Variants in HECW1 observed in about 807,000 individuals in gnomAD.
HECW1 encodes the protein E3 ubiquitin-protein ligase HECW1.
A neutral mutation model predicts 182.3 loss-of-function variants in HECW1; 61 were observed. The observed-to-expected ratio is 0.33, with a 90% CI of 0.27 to 0.41. The LOEUF (loss-of-function observed/expected upper bound fraction) is 0.41. HECW1 is among the 10% of genes least tolerant of loss of function. The pLI is 1.00. For synonymous variants in HECW1, 859 were observed against 832.6 expected (o/e 1.03, Z -0.55); for missense variants, 1,739 against 2,108.9 (o/e 0.82, Z 3.44).
Position 43,500,776 on chromosome 7 carries a change from T to G in HECW1, c.3515T>G (p.Leu1172Trp), listed in dbSNP as rs1237261316. The change falls in exon 20 of 30, where the codon TTG (leucine) becomes TGG (tryptophan). Residue 1172 changes from leucine to tryptophan, a missense_variant. Leu to Trp is a moderately conservative substitution (Grantham distance 61, BLOSUM62 -2). Around this residue, in one of 5 missense-constraint regions of HECW1, gnomAD observed 420 missense variants for 595.7 expected, o/e 0.71. Coordinates refer to ENST00000395891, the MANE Select transcript of HECW1 (RefSeq NM_015052.5). Reference protein sequence around the residue: ...KLSCDADLVILLSLFEEEIMS... With the variant: ...KLSCDADLVIWLSLFEEEIMS... ...TCCTGTGATGCGGATCTGGTCATTTTGCTGAGGTAGGGGGCTAGGCCTGAA... is the reference window on the plus strand; with the variant it reads ...TCCTGTGATGCGGATCTGGTCATTTGGCTGAGGTAGGGGGCTAGGCCTGAA... 6.2e-7 allele frequency: 1 copy of G among 1,613,390 alleles called. No individual in the cohort carries two copies.
intron 5 of HECW1, among the ~76,000 whole-genome samples, chr7:43,345,587 C>T (rs1464840101): frequency 6.6e-6 from 1 of 152,086 alleles, no homozygotes; most frequent in Non-Finnish European, 1.5e-5. Flanking sequence ...TCCCCTCTCA[C>T]TCTTCCCCAC....
At chr7:43,546,545 C>A (rs948519102) in intron 26 of HECW1, among the ~76,000 whole-genome samples, 1 of 151,006 alleles carries the variant, frequency 6.6e-6, no homozygotes, top group Admixed American at 6.6e-5. Flanking sequence ...TTTTGGGGGG[C>A]AGGTAGACCA....
At chr7:43,297,529 G>A (rs1308172539) in intron 3 of HECW1, among the ~76,000 whole-genome samples, 2 of 152,160 alleles carry the variant, frequency 1.3e-5, no homozygotes, top group Non-Finnish European at 2.9e-5. Flanking sequence ...CACTCAGAAG[G>A]TGCCATTCTC....
intron 3 of HECW1, among the ~76,000 whole-genome samples, chr7:43,291,404 G>A (rs1326695203): frequency 6.6e-6 from 1 of 152,222 alleles, no homozygotes; most frequent in Non-Finnish European, 1.5e-5. Context: ...AGGAAAAGAG[G>A]AAGTTGCTTA....
chr7:43,222,618 G>A (rs1797079859), intron 2 of HECW1, among the ~76,000 whole-genome samples: 1 of 152,158 alleles, frequency 6.6e-6, no homozygotes, highest in Admixed American at 6.5e-5. Flanking sequence ...TTCTTCCATA[G>A]AGAGCCAAAT....
rs188913532 is a variant in HECW1 at position 43,399,068 on chromosome 7, G to C, written c.631+2179G>C. 2.0e-3 allele frequency among the ~76,000 whole-genome samples: 306 copies of C among 152,334 alleles called. 1 individual carries two copies. The highest frequency in any genetic ancestry group is 7.0e-3 in the African/African-American group (290 of 41,570). On this transcript the variant is annotated intron_variant, in intron 7 of 29. Coordinates refer to ENST00000395891, the MANE Select transcript of HECW1 (RefSeq NM_015052.5). ...TCCAGGAGCAATTTGGGGGTAGTCA[G>C]AATCTTGCAGCCTCCAGCTATATGA...
chr7:43,131,340 A>G (rs746030499), intron 2 of HECW1, among the ~76,000 whole-genome samples: 44 of 152,198 alleles, frequency 2.9e-4, no homozygotes, highest in Non-Finnish European at 5.6e-4. Flanking sequence ...TACAGATGGG[A>G]GTACTGAGAC....
intron 3 of HECW1, among the ~76,000 whole-genome samples, chr7:43,306,850 TTC>T (rs1405608358): frequency 1.3e-5 from 2 of 152,216 alleles, no homozygotes; most frequent in South Asian, 2.1e-4. Context: ...GCTTTTAAGA[TTC>T]TGTTTTTTTA....
At chr7:43,523,138 G>T in intron 24 of HECW1, 1 of 347,238 alleles carries the variant, frequency 2.9e-6, no homozygotes, top group Non-Finnish European at 5.8e-6. Context: ...CAAGTAGCTG[G>T]GATTACAGGT....
chr7:43,509,195 T>C, intron 24 of HECW1, 74 bp downstream of exon 24: 1 of 1,486,018 alleles, frequency 6.7e-7, no homozygotes, highest in Non-Finnish European at 9.3e-7. Flanking sequence ...GCAGCATTTC[T>C]CAAAGGCCAC....
At position 43,374,799 on chromosome 7, in the gene HECW1, A is replaced by AAAAAAAAAAAAAAAAAAAC. The variant is rs1303274874; in HGVS notation, c.555+13820_555+13821insAAAAAAAAAAAAAAAAACA. On this transcript the variant is annotated intron_variant, in intron 6 of 29. Transcript: ENST00000395891. ...AAAAAAAAAAAAAAAAAAAAAAAAA[A>AAAAAAAAAAAAAAAAAAAC]ATAGAGAAATATAATAACCAGTGAA... 6.5e-4 allele frequency among the ~76,000 whole-genome samples: 35 copies of AAAAAAAAAAAAAAAAAAAC among 54,066 alleles called. 5 individuals are homozygous for AAAAAAAAAAAAAAAAAAAC. The highest frequency in any genetic ancestry group is 7.7e-4 in the Non-Finnish European group (26 of 33,844). The allele number at this position is 54,066 out of a possible 152,430, so 35.5% of individuals were successfully genotyped here.
intron 7 of HECW1, among the ~76,000 whole-genome samples, chr7:43,402,594 T>C (rs1309321247): frequency 1.3e-5 from 2 of 152,158 alleles, no homozygotes; most frequent in Admixed American, 6.5e-5. Flanking sequence ...TTTAAAATAA[T>C]ATGTAAGCAT....
At chr7:43,416,996 C>T (rs899924221) in intron 8 of HECW1, among the ~76,000 whole-genome samples, 27 of 152,214 alleles carry the variant, frequency 1.8e-4, no homozygotes, top group Non-Finnish European at 3.7e-4. Flanking sequence ...TTCTGCGTCG[C>T]TCACGCTGGG....
chr7:43,250,139 A>G lies in HECW1; in HGVS notation c.27+6207A>G, dbSNP rs957544085. Among the ~76,000 whole-genome samples the G allele has an allele frequency of 1.9e-3, 283 of 149,230 alleles. 1 individual carries two copies. The highest frequency in any genetic ancestry group is 2.8e-3 in the Non-Finnish European group (190 of 67,584). The stretch of plus-strand genomic sequence containing the variant: ...CCAAAACACACACACACACACGCGC[A>G]CACACACATACACACACACACAGAA... On this transcript the variant is annotated intron_variant, in intron 3 of 29. Coordinates refer to ENST00000395891, the MANE Select transcript of HECW1 (RefSeq NM_015052.5).
intron 14 of HECW1, among the ~76,000 whole-genome samples, chr7:43,464,915 A>G (rs368818763): frequency 3.2e-4 from 49 of 152,032 alleles, no homozygotes; most frequent in African/African-American, 1.1e-3. Context: ...AGTCCTCCCA[A>G]CACAGCCTCC....
chr7:43,541,059 C>T (rs2081347172), intron 24 of HECW1, 104 bp from the exon 25 acceptor site: 2 of 869,016 alleles, frequency 2.3e-6, no homozygotes, highest in Admixed American at 1.9e-5. Context: ...ATTCCTTAAG[C>T]AGCTTAAGAT....
intron 2 of HECW1, among the ~76,000 whole-genome samples, chr7:43,115,576 T>C (rs1784976494): frequency 6.6e-6 from 1 of 152,242 alleles, no homozygotes; most frequent in Non-Finnish European, 1.5e-5. Flanking sequence ...CAAAACTTGC[T>C]AGCGCTGTTG....
intron 24 of HECW1, among the ~76,000 whole-genome samples, chr7:43,534,486 G>A (rs1050702790): frequency 6.6e-6 from 1 of 152,176 alleles, no homozygotes; most frequent in African/African-American, 2.4e-5. Flanking sequence ...TAAAACATTT[G>A]CCACATCTTT....
chr7:43,126,844 A>G (rs6959165), intron 2 of HECW1, among the ~76,000 whole-genome samples: 91,780 of 152,008 alleles, frequency 0.6, 28,286 homozygotes, highest in African/African-American at 0.74. Flanking sequence ...TTGCTTTGGG[A>G]CATCATGAAC....
Sources: allele counts gnomAD v4.1 joint callset (sites outside exome capture counted in the v4.1 genomes callset), GRCh38; gene constraint gnomAD v4.1.1; regional missense constraint gnomAD v4.1.1; transcripts MANE v1.5; gene names NCBI Gene and HGNC (gene_info 2026-07-23, HGNC 2026-07-21).